Variants in ASPH observed in about 807,000 individuals in gnomAD.
ASPH encodes the protein aspartyl/asparaginyl beta-hydroxylase.
A neutral mutation model predicts 118.4 loss-of-function variants in ASPH; 100 were observed. The observed-to-expected ratio is 0.84, with a 90% CI of 0.72 to 1.00. The LOEUF is 1.00. Ranked by LOEUF, ASPH falls within the 50% of genes least tolerant of loss-of-function variation. The probability of loss-of-function intolerance (pLI) is 0.00; values close to 1 mark genes in which losing one functional copy is unlikely to be tolerated. For synonymous variants in ASPH, 315 were observed against 325.6 expected, an observed-to-expected ratio of 0.97 and a Z score of 0.35; for missense variants, 920 against 919.5, an observed-to-expected ratio of 1.00 and a Z score of -0.01.
chr8:61,687,999 T>C (rs900286655), intron 1 of ASPH, among the ~76,000 whole-genome samples: 2 of 152,110 alleles, frequency 1.3e-5, no homozygotes, highest in Non-Finnish European at 2.9e-5. Flanking sequence ...CAGCAAACAA[T>C]ATACTCTTGA....
intron 3 of ASPH, chr8:61,676,092 C>T (rs377649693): frequency 6.3e-7 from 1 of 1,599,236 alleles, no homozygotes; most frequent in Non-Finnish European, 8.5e-7. Flanking sequence ...TTATGTAAAT[C>T]CAATATGACA....
At chr8:61,663,231 T>C in intron 3 of ASPH, 1 of 985,346 alleles carries the variant, frequency 1.0e-6, no homozygotes, top group South Asian at 4.7e-5. Flanking sequence ...GCCCTACATT[T>C]GATGAAGTTT....
rs1294756785 is a variant in ASPH at position 61,578,942 on chromosome 8, C to A, written c.1063-2084G>T. The A allele has an allele frequency of 4.3e-6, 7 of 1,611,308 alleles. No homozygotes were observed. The African/African-American group carries it at 6.7e-5, about 15-fold the overall frequency. On this transcript the variant is annotated intron_variant, in intron 15 of 24. Coordinates refer to ENST00000379454, the MANE Select transcript of ASPH (RefSeq NM_004318.4). Reference sequence around the variant, plus strand: ...GGGAGCTGCAGTCCCAGATCTCGGACACATCTGTGGTGCTGTCCATGGACA... The same window carrying A: ...GGGAGCTGCAGTCCCAGATCTCGGAAACATCTGTGGTGCTGTCCATGGACA...
intron 14 of ASPH, among the ~76,000 whole-genome samples, chr8:61,610,305 A>G (rs893677406): frequency 1.3e-5 from 2 of 152,214 alleles, no homozygotes; most frequent in Non-Finnish European, 2.9e-5. Flanking sequence ...GTACTACACT[A>G]TGGTTAGAAA....
chr8:61,546,367 G>C (rs1823867160), intron 21 of ASPH, among the ~76,000 whole-genome samples: 1 of 152,136 alleles, frequency 6.6e-6, no homozygotes, highest in African/African-American at 2.4e-5. Flanking sequence ...GTAGAGAAAT[G>C]AACTCACAAA....
At chr8:61,646,044 G>C (rs948151737) in intron 6 of ASPH, among the ~76,000 whole-genome samples, 1 of 152,166 alleles carries the variant, frequency 6.6e-6, no homozygotes, top group Non-Finnish European at 1.5e-5. Flanking sequence ...AATTGGCAGG[G>C]CATGGTAGCA....
intron 21 of ASPH, among the ~76,000 whole-genome samples, chr8:61,547,118 A>G (rs1824178504): frequency 6.6e-6 from 1 of 152,202 alleles, no homozygotes; most frequent in Admixed American, 6.5e-5. Context: ...GAGTTAATTA[A>G]CTGTGAGTCT....
intron 14 of ASPH, among the ~76,000 whole-genome samples, chr8:61,586,299 TA>T (rs1444270996): frequency 6.6e-6 from 1 of 152,204 alleles, no homozygotes; most frequent in Non-Finnish European, 1.5e-5. Flanking sequence ...ACAAACCAAC[TA>T]GTTCATTTTC....
At chr8:61,679,640 A>G (rs1039970739) in intron 3 of ASPH, among the ~76,000 whole-genome samples, 53 of 151,908 alleles carry the variant, frequency 3.5e-4, no homozygotes, top group African/African-American at 1.2e-3. Flanking sequence ...CTTGGCCCAC[A>G]TTTTATTTTA....
At chr8:61,541,087 G>A (rs542373829) in intron 21 of ASPH, among the ~76,000 whole-genome samples, 5 of 152,188 alleles carry the variant, frequency 3.3e-5, no homozygotes, top group African/African-American at 9.6e-5. Context: ...GGGAAACCCC[G>A]TCTCTACTAA....
chr8:61,670,512 A>C (rs1821915541), intron 3 of ASPH, among the ~76,000 whole-genome samples: 1 of 152,144 alleles, frequency 6.6e-6, no homozygotes, highest in African/African-American at 2.4e-5. Context: ...TAGGGTGCTC[A>C]CATCAGCCTT....
At chr8:61,672,720 T>C (rs1391199398) in intron 3 of ASPH, among the ~76,000 whole-genome samples, 2 of 152,182 alleles carry the variant, frequency 1.3e-5, no homozygotes, top group African/African-American at 4.8e-5. Flanking sequence ...ATCTAACTCC[T>C]AAGTATTACA....
chr8:61,667,236 A>T (rs1424768391), intron 3 of ASPH, among the ~76,000 whole-genome samples: 1 of 152,190 alleles, frequency 6.6e-6, no homozygotes, highest in Non-Finnish European at 1.5e-5. Flanking sequence ...AGAGGCATGC[A>T]CATCCCCCAT....
intron 10 of ASPH, among the ~76,000 whole-genome samples, chr8:61,640,890 G>A (rs1804801742): frequency 6.6e-6 from 1 of 152,206 alleles, no homozygotes; most frequent in Admixed American, 6.5e-5. Flanking sequence ...CTATCGAAGT[G>A]TATGTTCTGG....
chr8:61,599,981 A>G (rs1471636420), intron 14 of ASPH, among the ~76,000 whole-genome samples: 1 of 152,176 alleles, frequency 6.6e-6, no homozygotes, highest in African/African-American at 2.4e-5. Flanking sequence ...AAAAATACAC[A>G]CTGATATTCC....
In ASPH at chr8:61,668,171, T is replaced by C. The variant is rs758784747; in HGVS notation, c.322+12797A>G. On this transcript the variant is annotated intron_variant, in intron 3 of 24. Coordinates refer to ENST00000379454, the MANE Select transcript of ASPH (RefSeq NM_004318.4). The stretch of plus-strand genomic sequence containing the variant: ...TAGCAATATTAACATTCCCAGAAAA[T>C]GTCATGCATTTTCAAACATTAAACT... 8.6e-5 allele frequency: 127 copies of C among 1,472,570 alleles called. No individual in the cohort carries two copies. In the Middle Eastern group the frequency reaches 1.4e-3, roughly 16 times the overall value. 91.2% of individuals were successfully genotyped at this position (1,472,570 alleles called of 1,614,324 possible). A position where few individuals can be genotyped will look rare whatever the true frequency, so the allele number is the denominator to read the frequency against.
Position 61,604,518 on chromosome 8 carries a change from G to T in ASPH, c.976+14460C>A, listed in dbSNP as rs1845011829. ...ATGAATTATTTTTATTACAATTATA[G>T]ACGATCATGTTTTTTAACATAATGC... On this transcript the variant is annotated intron_variant, in intron 14 of 24. Transcript: ENST00000379454. 3.3e-5 allele frequency among the ~76,000 whole-genome samples: 5 copies of T among 152,158 alleles called. No homozygotes were observed. In the South Asian group the frequency reaches 1.0e-3, roughly 32 times the overall value.
intron 14 of ASPH, among the ~76,000 whole-genome samples, chr8:61,611,946 T>A (rs936776794): frequency 6.7e-6 from 1 of 150,260 alleles, no homozygotes; most frequent in Admixed American, 6.7e-5. Flanking sequence ...AAAGTTGATA[T>A]AACAAATTAC....
chr8:61,504,992 G>C (rs1317355220), intron 24 of ASPH, among the ~76,000 whole-genome samples: 1 of 152,044 alleles, frequency 6.6e-6, no homozygotes, highest in African/African-American at 2.4e-5. Flanking sequence ...ATATGGTTTG[G>C]ATGTGTCCCC....
Sources: gnomAD v4.1 joint callset for allele counts (sites outside exome capture counted in the v4.1 genomes callset) on GRCh38, gnomAD v4.1.1 for gene constraint, MANE v1.5 for transcripts, NCBI Gene and HGNC (gene_info 2026-07-23, HGNC 2026-07-21) for gene names.